CYP2C19: variants seen among roughly 807,000 people sequenced by gnomAD.
The protein encoded by CYP2C19 is cytochrome P450 2C19.
A neutral mutation model predicts 40.9 loss-of-function variants in CYP2C19; 59 were observed. That is an observed-to-expected ratio of 1.44 (90% CI 1.17 to 1.79). CYP2C19 has a LOEUF of 1.79. Ranked by LOEUF, CYP2C19 falls within the 40% of genes most tolerant of loss-of-function variation. The pLI is 0.00. For synonymous variants in CYP2C19, 253 were observed against 208.7 expected, an observed-to-expected ratio of 1.21 and a Z score of -1.83; for missense variants, 754 against 596.9, an observed-to-expected ratio of 1.26 and a Z score of -2.74.
chr10:94,848,102 T>C (rs1205021098), intron 7 of CYP2C19, among the ~76,000 whole-genome samples: 1 of 152,236 alleles, frequency 6.6e-6, no homozygotes, highest in Non-Finnish European at 1.5e-5. Context: ...TTTGTCAATT[T>C]TGGCTTTTGT....
intron 6 of CYP2C19, among the ~76,000 whole-genome samples, chr10:94,824,763 G>A (rs959818312): frequency 4.0e-5 from 6 of 150,636 alleles, no homozygotes; most frequent in South Asian, 2.1e-4. Context: ...CCACTAACTC[G>A]TCATCTAGCA....
chr10:94,851,836 G>C lies in CYP2C19; in HGVS notation c.1292-897G>C, dbSNP rs186238694. Among the ~76,000 whole-genome samples the C allele has an allele frequency of 2.0e-5, 3 of 152,224 alleles. No individual in the cohort carries two copies. The East Asian group carries it at 5.8e-4, about 29-fold the overall frequency. On this transcript the variant is annotated intron_variant, in intron 8 of 8. Transcript: ENST00000371321. ...CATCACTTTAGTAATGTTGCACTGG[G>C]TATTATGTTTCAACATATGAAATGG...
intron 6 of CYP2C19, among the ~76,000 whole-genome samples, chr10:94,840,719 G>A (rs1002196111): frequency 6.6e-6 from 1 of 152,176 alleles, no homozygotes; most frequent in African/African-American, 2.4e-5. Context: ...CAGGAGTTCG[G>A]GACAACAGCT....
intron 6 of CYP2C19, among the ~76,000 whole-genome samples, chr10:94,825,443 C>T (rs1849202081): frequency 2.0e-5 from 3 of 150,680 alleles, no homozygotes; most frequent in Admixed American, 2.0e-4. Flanking sequence ...TTTTTGACTG[C>T]ATAAATGTCT....
In CYP2C19 at chr10:94,854,999, A is replaced by G. The variant is rs1849710789; in HGVS notation, c.*2085A>G. On this transcript the variant is annotated 3_prime_UTR_variant, in exon 9 of 9. Transcript: ENST00000371321. ...AAACACCCATGGGTGAGATAAATAAAAAAGTTGTCTAGTCTGTTTCCTCCT... is the reference window on the plus strand; with the variant it reads ...AAACACCCATGGGTGAGATAAATAAGAAAGTTGTCTAGTCTGTTTCCTCCT... Among the ~76,000 whole-genome samples the G allele has an allele frequency of 6.6e-6, 1 of 152,198 alleles. No homozygotes were observed. Among genetic ancestry groups the G allele is most frequent in the African/African-American group, 2.4e-5 (1 of 41,452 alleles).
intron 6 of CYP2C19, among the ~76,000 whole-genome samples, chr10:94,831,093 A>G (rs537881909): frequency 6.6e-6 from 1 of 152,138 alleles, no homozygotes; most frequent in South Asian, 2.1e-4. Context: ...AATTCTTTTT[A>G]TTTTAGATCC....
chr10:94,774,927 A>T lies in CYP2C19; in HGVS notation c.169-131A>T, dbSNP rs2134236226. 4 of 966,820 alleles carry T rather than the reference A, an allele frequency of 4.1e-6. No individual in the cohort carries two copies. The South Asian group carries it at 6.9e-5, about 17-fold the overall frequency. 59.9% of individuals were successfully genotyped at this position (966,820 alleles called of 1,614,324 possible). ...AATCATCATCATGTTTATATATAAA[A>T]TTCAGAAATATTTGAGCCTGTGTGA... On this transcript the variant is annotated intron_variant, in intron 1 of 8. Coordinates refer to ENST00000371321, the MANE Select transcript of CYP2C19 (RefSeq NM_000769.4).
chr10:94,827,165 T>C (rs1352889536), intron 6 of CYP2C19, among the ~76,000 whole-genome samples: 2 of 151,722 alleles, frequency 1.3e-5, no homozygotes, highest in East Asian at 3.9e-4. Flanking sequence ...ATCAGAATGA[T>C]GCTGGCCTCA....
chr10:94,812,849 G>A (rs1848946633), intron 5 of CYP2C19, among the ~76,000 whole-genome samples: 1 of 151,980 alleles, frequency 6.6e-6, no homozygotes, highest in Non-Finnish European at 1.5e-5. Context: ...CACACCTTCT[G>A]AAGCCTACTT....
At chr10:94,834,066 G>A (rs1849366460) in intron 6 of CYP2C19, among the ~76,000 whole-genome samples, 1 of 152,182 alleles carries the variant, frequency 6.6e-6, no homozygotes, top group Admixed American at 6.5e-5. Flanking sequence ...AATAGTTTGA[G>A]TAGGGTTGGT....
At chr10:94,805,180 T>G (rs183212234) in intron 5 of CYP2C19, among the ~76,000 whole-genome samples, 75 of 152,260 alleles carry the variant, frequency 4.9e-4, no homozygotes, top group Non-Finnish European at 9.0e-4. Context: ...AAATTTAGTA[T>G]GCCTTAGCTT....
intron 5 of CYP2C19, among the ~76,000 whole-genome samples, chr10:94,783,989 C>A (rs1848508962): frequency 2.0e-5 from 3 of 152,172 alleles, no homozygotes; most frequent in Admixed American, 6.5e-5. Context: ...TGTTGTGCAA[C>A]CATCAGCTTT....
chr10:94,821,733 A>C (rs774007776), intron 6 of CYP2C19, among the ~76,000 whole-genome samples: 3 of 152,204 alleles, frequency 2.0e-5, no homozygotes, highest in Non-Finnish European at 4.4e-5. Flanking sequence ...CCTAATTACA[A>C]ATAAGAGTTA....
chr10:94,778,397 A>G (rs1333816545), intron 3 of CYP2C19, among the ~76,000 whole-genome samples: 1 of 152,070 alleles, frequency 6.6e-6, no homozygotes, highest in African/African-American at 2.4e-5. Flanking sequence ...TCCTTTCCCT[A>G]TACTTTCTCC....
rs151332064 is a variant in CYP2C19 at position 94,843,185 on chromosome 10, A to T, written c.1149+161A>T. On this transcript the variant is annotated intron_variant, in intron 7 of 8. Transcript: ENST00000371321. ...TTGATTCCAGTTTGGGACTATAAAG[A>T]TTTGTAACAGGTCTTAGTGTCTCAC... Among the ~76,000 whole-genome samples, 427 of 152,316 alleles carry T rather than the reference A, an allele frequency of 2.8e-3. 5 individuals are homozygous for T. Among genetic ancestry groups the T allele is most frequent in the Non-Finnish European group, 5.3e-3 (362 of 68,016 alleles).
intron 6 of CYP2C19, among the ~76,000 whole-genome samples, chr10:94,837,753 G>C (rs770261532): frequency 2.0e-5 from 3 of 152,096 alleles, no homozygotes; most frequent in Non-Finnish European, 4.4e-5. Context: ...AGCATACCCG[G>C]GGTTCTGTGA....
At chr10:94,829,725 G>T (rs893003720) in intron 6 of CYP2C19, among the ~76,000 whole-genome samples, 15 of 151,860 alleles carry the variant, frequency 9.9e-5, no homozygotes, top group Non-Finnish European at 8.8e-5. Flanking sequence ...GAGGAGGAGA[G>T]GCGCTCTGCT....
At chr10:94,825,083 TC>T (rs1390008047) in intron 6 of CYP2C19, among the ~76,000 whole-genome samples, 1 of 124,894 alleles carries the variant, frequency 8.0e-6, no homozygotes, top group African/African-American at 3.1e-5. Context: ...TGGTTCCAAG[TC>T]TTTGCTATTG....
chr10:94,786,986 C>T (rs1848551184), intron 5 of CYP2C19, among the ~76,000 whole-genome samples: 1 of 152,014 alleles, frequency 6.6e-6, no homozygotes, highest in African/African-American at 2.4e-5. Flanking sequence ...TTTGGTATAA[C>T]AATTTGTTTT....
Sources: gnomAD v4.1 joint callset for allele counts (sites outside exome capture counted in the v4.1 genomes callset) on GRCh38, gnomAD v4.1.1 for gene constraint, MANE v1.5 for transcripts, NCBI Gene and HGNC (gene_info 2026-07-23, HGNC 2026-07-21) for gene names.